CCNJL: variants seen among roughly 807,000 people sequenced by gnomAD.
CCNJL encodes cyclin-J-like protein.
Under a neutral mutation model 33.4 loss-of-function variants are expected in CCNJL, and 33 were observed. The ratio of observed to expected loss-of-function variants is 0.99; its 90% CI spans 0.75 to 1.32. The LOEUF (loss-of-function observed/expected upper bound fraction) is 1.32, where lower values mean the gene tolerates loss of function less well. Ranked by LOEUF, CCNJL falls within the 40% of genes most tolerant of loss-of-function variation. The probability of loss-of-function intolerance (pLI) is 0.00; values close to 1 mark genes in which losing one functional copy is unlikely to be tolerated. For synonymous variants in CCNJL, 227 were observed against 220.9 expected (o/e 1.03, Z -0.24); for missense variants, 512 against 499.7 (o/e 1.02, Z -0.23).
chr5:160,262,272 A>T (rs1045969026), intron 3 of CCNJL, among the ~76,000 whole-genome samples: 1 of 152,136 alleles, frequency 6.6e-6, no homozygotes, highest in Non-Finnish European at 1.5e-5. Flanking sequence ...AGATGTGCTC[A>T]ATCAGATTAG....
chr5:160,308,354 C>T (rs12657051), intron 2 of CCNJL, among the ~76,000 whole-genome samples: 39,424 of 152,178 alleles, frequency 0.26, 5,299 homozygotes, highest in South Asian at 0.28. Flanking sequence ...CCATACACAT[C>T]GGGAAGCTGT....
At chr5:160,278,799 G>A (rs1422279578) in intron 3 of CCNJL, among the ~76,000 whole-genome samples, 1 of 152,238 alleles carries the variant, frequency 6.6e-6, no homozygotes, top group Non-Finnish European at 1.5e-5. Flanking sequence ...GCAGGCCAAA[G>A]GCCGTGGCGC....
rs571716963 is a variant in CCNJL at position 160,277,189 on chromosome 5, C to A, written c.280+3336G>T. Among the ~76,000 whole-genome samples the A allele has an allele frequency of 5.9e-5, 9 of 152,320 alleles. No individual in the cohort carries two copies. The South Asian group carries it at 1.9e-3, about 32-fold the overall frequency. On this transcript the variant is annotated intron_variant, in intron 3 of 5. Transcript: ENST00000257536. ...AAGTTGGGCAAGTTTTGTGGCCTCT[C>A]TGAACCTATAAAAAGGGCGGGTGAC...
intron 2 of CCNJL, among the ~76,000 whole-genome samples, chr5:160,293,883 C>A (rs373091579): frequency 2.0e-5 from 3 of 152,280 alleles, no homozygotes; most frequent in East Asian, 1.9e-4. Context: ...TGCAGTAAAG[C>A]AGGGCTGAGC....
intron 2 of CCNJL, among the ~76,000 whole-genome samples, chr5:160,292,463 G>A (rs1762616937): frequency 6.6e-6 from 1 of 151,978 alleles, no homozygotes; most frequent in South Asian, 2.1e-4. Context: ...CTCTACAAAA[G>A]ATAAAAAATT....
chr5:160,270,954 T>C (rs983484700), intron 3 of CCNJL, among the ~76,000 whole-genome samples: 3 of 152,160 alleles, frequency 2.0e-5, no homozygotes, highest in Admixed American at 6.5e-5. Context: ...CAGACTTTCC[T>C]AGAAAAGTCC....
intron 3 of CCNJL, among the ~76,000 whole-genome samples, chr5:160,274,454 G>A (rs1050419314): frequency 2.6e-5 from 4 of 151,304 alleles, no homozygotes; most frequent in Non-Finnish European, 4.4e-5. Context: ...GTGAGACCTC[G>A]TCTCAAAAAA....
At chr5:160,266,025 G>A (rs2113277588) in intron 3 of CCNJL, among the ~76,000 whole-genome samples, 1 of 152,156 alleles carries the variant, frequency 6.6e-6, no homozygotes, top group East Asian at 1.9e-4. Flanking sequence ...CTATCCCCAT[G>A]CCCCTCCAGC....
At chr5:160,269,757 C>T (rs1485574955) in intron 3 of CCNJL, among the ~76,000 whole-genome samples, 1 of 152,154 alleles carries the variant, frequency 6.6e-6, no homozygotes, top group Non-Finnish European at 1.5e-5. Flanking sequence ...CTTCCTGGCA[C>T]AGCCAAGGAA....
At chr5:160,333,580 G>A (rs1763637335) in intron 1 of CCNJL, among the ~76,000 whole-genome samples, 1 of 147,642 alleles carries the variant, frequency 6.8e-6, no homozygotes, top group South Asian at 2.1e-4. Context: ...AACAGAGTGA[G>A]ACCCTGTCTC....
chr5:160,334,717 G>A (rs964215009), intron 1 of CCNJL, among the ~76,000 whole-genome samples: 1 of 152,184 alleles, frequency 6.6e-6, no homozygotes, highest in Non-Finnish European at 1.5e-5. Flanking sequence ...CTGTTGTCGA[G>A]CATTTCTCCC....
At position 160,252,267 on chromosome 5, in the gene CCNJL, T is replaced by C. The variant is rs1760838243; in HGVS notation, c.*1111A>G. ...TTTGATCCAACCAGTCGCTTGCCTA[T>C]CAATGGTGGTATCAAACGCCCATGT... On this transcript the variant is annotated 3_prime_UTR_variant, in exon 6 of 6. Coordinates refer to ENST00000257536, the MANE Select transcript of CCNJL (RefSeq NM_001308173.3). 1 of 152,624 alleles carries C rather than the reference T, an allele frequency of 6.6e-6. No homozygotes were observed. The highest frequency in any genetic ancestry group is 1.9e-4 in the East Asian group (1 of 5,210). 9.5% of individuals were successfully genotyped at this position (152,624 alleles called of 1,614,324 possible).
intron 4 of CCNJL, among the ~76,000 whole-genome samples, chr5:160,257,897 A>C (rs1347323114): frequency 6.7e-6 from 1 of 149,320 alleles, no homozygotes; most frequent in Non-Finnish European, 1.5e-5. Context: ...CCCAAGCTGG[A>C]GTTCAATGGC....
upstream of CCNJL, among the ~76,000 whole-genome samples, chr5:160,316,263 A>C (rs778819912): frequency 2.6e-5 from 4 of 152,150 alleles, no homozygotes; most frequent in Non-Finnish European, 4.4e-5. Flanking sequence ...AGACAAGAAG[A>C]AGCATTCATT....
intron 2 of CCNJL, among the ~76,000 whole-genome samples, chr5:160,292,711 T>G (rs1561796958): frequency 7.1e-6 from 1 of 140,964 alleles, no homozygotes; most frequent in Non-Finnish European, 1.5e-5. Context: ...AACTTGAAAG[T>G]CTGTATGTAT....
intron 1 of CCNJL, among the ~76,000 whole-genome samples, chr5:160,321,670 G>A (rs572396936): frequency 3.9e-5 from 6 of 152,112 alleles, no homozygotes; most frequent in Non-Finnish European, 8.8e-5. Context: ...GGCCGGGCGC[G>A]GTGGCTCACG....
At position 160,298,901 on chromosome 5, in the gene CCNJL, GA is replaced by G. The variant is rs571212670; in HGVS notation, c.66+12956del. ...TGTTTTCTCTGAAAATCAATGGCAT[GA>G]AAAAAAATATTTTCAGGCAGGGTAG... On this transcript the variant is annotated intron_variant, in intron 2 of 5. Transcript: ENST00000257536. 1.0e-3 allele frequency among the ~76,000 whole-genome samples: 156 copies of G among 152,010 alleles called. 1 individual carries two copies. Among genetic ancestry groups the G allele is most frequent in the Non-Finnish European group, 3.4e-4 (23 of 67,954 alleles).
intron 5 of CCNJL, chr5:160,254,553 G>A: frequency 2.3e-6 from 1 of 433,818 alleles, no homozygotes; most frequent in Non-Finnish European, 4.1e-6. Context: ...CCCACATCGG[G>A]GAGGGCTCTC....
chr5:160,307,245 ATGCCAAGGTAACAAGGCACACCTCATACC>A (rs1763122698), intron 2 of CCNJL, among the ~76,000 whole-genome samples: 1 of 152,222 alleles, frequency 6.6e-6, no homozygotes, highest in Non-Finnish European at 1.5e-5. Context: ...TGGTCTGGGA[ATGCCAAGGTAACAAGGCACACCTCATACC>A]TGCAAGGAGC....
Sources: gnomAD v4.1 joint callset for allele counts (sites outside exome capture counted in the v4.1 genomes callset) on GRCh38, gnomAD v4.1.1 for gene constraint, MANE v1.5 for transcripts, NCBI Gene and HGNC (gene_info 2026-07-23, HGNC 2026-07-21) for gene names.